The following ORC3 variants were observed in gnomAD, a reference collection of about 807,000 sequenced individuals.
ORC3 encodes the protein origin recognition complex subunit 3.
ORC3 carries 78 observed loss-of-function variants against 100.7 expected under a neutral mutation model. That is an observed-to-expected ratio of 0.77 (90% confidence interval 0.65 to 0.94). The LOEUF (loss-of-function observed/expected upper bound fraction) is 0.94, where lower values mean the gene tolerates loss of function less well. Among genes scored for constraint, ORC3 ranks in the 40% least tolerant of loss-of-function variants. ORC3 has a pLI of 0.00. For synonymous variants in ORC3, 295 were observed against 289.3 expected (o/e 1.02, Z -0.20); for missense variants, 789 against 823.9 (o/e 0.96, Z 0.52).
chr6:87,609,212 C>T lies in ORC3; in HGVS notation c.696C>T (p.Asp232=), dbSNP rs751049005. The change falls in exon 7 of 20, where the codon GAC becomes GAT. Residue 232 remains aspartate, a synonymous_variant. Coordinates refer to ENST00000392844, the MANE Select transcript of ORC3 (RefSeq NM_012381.4). Reference sequence around the variant, plus strand: ...GCTTTGCCACAAAAGTACTACAAGACTTCATAATTATCAGCAGGTAGATGG... The same window carrying T: ...GCTTTGCCACAAAAGTACTACAAGATTTCATAATTATCAGCAGGTAGATGG... ...MESFATKVLQ[D]FIIISSQHLH... is the part of the protein sequence containing the mutation. The T allele has an allele frequency of 6.3e-7, 1 of 1,597,242 alleles. No individual in the cohort carries two copies. The highest frequency in any genetic ancestry group is 2.3e-5 in the East Asian group (1 of 44,192).
chr6:87,629,953 A>G (rs372456851), intron 11 of ORC3, among the ~76,000 whole-genome samples: 12 of 152,180 alleles, frequency 7.9e-5, no homozygotes, highest in African/African-American at 2.7e-4. Context: ...TTAAGAGGGT[A>G]TATTGCACAT....
At chr6:87,670,325 C>T (rs552846525), downstream of ORC3, among the ~76,000 whole-genome samples, 1 of 152,164 alleles carries the variant, frequency 6.6e-6, no homozygotes, top group East Asian at 1.9e-4. Flanking sequence ...GCCACCACGC[C>T]CAGCTAATTT....
chr6:87,635,790 T>TA (rs972713471), intron 12 of ORC3, among the ~76,000 whole-genome samples: 1 of 150,752 alleles, frequency 6.6e-6, no homozygotes, highest in Non-Finnish European at 1.5e-5. Flanking sequence ...AGACTCCGTC[T>TA]AAAAAAAAAG....
intron 11 of ORC3, among the ~76,000 whole-genome samples, chr6:87,631,756 T>C (rs1371702087): frequency 6.6e-6 from 1 of 152,078 alleles, no homozygotes; most frequent in Non-Finnish European, 1.5e-5. Context: ...CCTCCCAAAG[T>C]GCTGGGATTA....
chr6:87,674,625 T>C, the ORC3 span, among the ~76,000 whole-genome samples: 2 of 137,174 alleles, frequency 1.5e-5, no homozygotes, highest in African/African-American at 3.0e-5. Context: ...AGAAGGAATT[T>C]ATATATATAT....
intron 3 of ORC3, 39 bp downstream of exon 3, chr6:87,601,920 G>A (rs1312066654): frequency 8.6e-7 from 1 of 1,163,572 alleles, no homozygotes. Context: ...AACACCCTAA[G>A]TCTCATTTTT....
chr6:87,599,822 A>T lies in ORC3; in HGVS notation c.80-1962A>T, dbSNP rs148236869. ...GAAACCCCGTCTCTGCTAAAAATAT[A>T]ATTAGCCAGATGTGGTCGCGGGCGC... On this transcript the variant is annotated intron_variant, in intron 2 of 19. Coordinates refer to ENST00000392844, the MANE Select transcript of ORC3 (RefSeq NM_012381.4). Among the ~76,000 whole-genome samples, 254 of 152,234 alleles carry T rather than the reference A, an allele frequency of 1.7e-3. 1 individual carries two copies. Among genetic ancestry groups the T allele is most frequent in the Middle Eastern group, 6.8e-3 (2 of 294 alleles).
intron 2 of ORC3, among the ~76,000 whole-genome samples, chr6:87,597,673 A>G (rs1403157180): frequency 1.6e-5 from 2 of 121,484 alleles, no homozygotes; most frequent in Admixed American, 8.0e-5. Context: ...GTAATGATAT[A>G]TATATATACA....
intron 13 of ORC3, among the ~76,000 whole-genome samples, chr6:87,637,997 C>A: frequency 6.6e-6 from 1 of 152,186 alleles, no homozygotes; most frequent in East Asian, 1.9e-4. Context: ...CCTGAGATCA[C>A]CTAGCTGCTG....
chr6:87,594,659 TAA>T, intron 2 of ORC3: 1 of 748,276 alleles, frequency 1.3e-6, no homozygotes, highest in Non-Finnish European at 1.7e-6. Context: ...TGCTATTCTT[TAA>T]AAGAGATTGT....
At chr6:87,676,596 A>AACACACGCACGCACGCACACACAC in the ORC3 span, among the ~76,000 whole-genome samples, 2 of 142,046 alleles carry the variant, frequency 1.4e-5, no homozygotes, top group African/African-American at 5.4e-5. Flanking sequence ...CTCTACTAAA[A>AACACACGCACGCACGCACACACAC]ACACACACAC....
chr6:87,631,419 A>G (rs1223644712), intron 11 of ORC3, among the ~76,000 whole-genome samples: 1 of 152,186 alleles, frequency 6.6e-6, no homozygotes, highest in African/African-American at 2.4e-5. Context: ...AATTTAACAT[A>G]TGGAAAGTAG....
At chr6:87,619,492 C>T (rs1001585207) in intron 9 of ORC3, among the ~76,000 whole-genome samples, 1 of 152,106 alleles carries the variant, frequency 6.6e-6, no homozygotes. Flanking sequence ...CTGCAACCTC[C>T]GTCTCCCGAT....
intron 3 of ORC3, 139 bp downstream of exon 3, chr6:87,602,020 A>G (rs1350345693): frequency 6.7e-6 from 4 of 597,752 alleles, no homozygotes; most frequent in Non-Finnish European, 3.0e-6. Flanking sequence ...TATCCTTAAA[A>G]AAACAACCAT....
At chr6:87,666,109 CTT>C (rs991763145) in intron 19 of ORC3, among the ~76,000 whole-genome samples, 36 of 152,150 alleles carry the variant, frequency 2.4e-4, no homozygotes, top group African/African-American at 8.7e-4. Flanking sequence ...ATTGAATTCT[CTT>C]TTTTTGGTTT....
chr6:87,661,737 A>G (rs1313447928), intron 16 of ORC3, among the ~76,000 whole-genome samples: 1 of 152,212 alleles, frequency 6.6e-6, no homozygotes, highest in Admixed American at 6.5e-5. Flanking sequence ...CTTTAGGCTC[A>G]GGACTGGACT....
At chr6:87,609,045 T>C (rs1448560257) in intron 6 of ORC3, 51 bp from the exon 7 acceptor site, 17 of 1,473,200 alleles carry the variant, frequency 1.2e-5, no homozygotes, top group Non-Finnish European at 1.4e-5. Flanking sequence ...ATAACATTGT[T>C]TGAGTGGTAA....
chr6:87,608,330 A>G lies in ORC3; in HGVS notation c.579+506A>G, dbSNP rs528716069. On this transcript the variant is annotated intron_variant, in intron 6 of 19. Transcript: ENST00000392844. The stretch of plus-strand genomic sequence containing the variant: ...GTAAAGTATGTTAGACAAACAGATA[A>G]GTAAAAAGAAGTTCCATTCTACCAT... Among the ~76,000 whole-genome samples, 3 of 152,318 alleles carry G rather than the reference A, an allele frequency of 2.0e-5. No homozygotes were observed. In the East Asian group the frequency reaches 5.8e-4, roughly 29 times the overall value.
At chr6:87,622,558 T>C (rs1470187027) in intron 11 of ORC3, among the ~76,000 whole-genome samples, 9 of 152,106 alleles carry the variant, frequency 5.9e-5, no homozygotes, top group Admixed American at 6.6e-5. Context: ...CTTGAATAAA[T>C]AATACTTGGA....
Sources: gnomAD v4.1 joint callset for allele counts (sites outside exome capture counted in the v4.1 genomes callset) on GRCh38, gnomAD v4.1.1 for gene constraint, MANE v1.5 for transcripts, NCBI Gene and HGNC (gene_info 2026-07-23, HGNC 2026-07-21) for gene names.